The following MAPK10 variants were observed in gnomAD, a reference collection of about 807,000 sequenced individuals.
MAPK10 encodes mitogen-activated protein kinase 10.
In MAPK10, 25 loss-of-function variants were observed where a neutral mutation model predicts 59.3. That is an observed-to-expected ratio of 0.42 (90% CI 0.31 to 0.59). MAPK10 has a LOEUF of 0.59. Ranked by LOEUF, MAPK10 falls within the 20% of genes least tolerant of loss-of-function variation. The pLI, the probability that MAPK10 is intolerant of heterozygous loss-of-function variation, is 0.15. For missense variants in MAPK10, 351 were observed against 568.9 expected, an observed-to-expected ratio of 0.62 and a Z score of 3.90; for synonymous variants, 190 against 200.5, an observed-to-expected ratio of 0.95 and a Z score of 0.44.
At chr4:86,046,341 G>A (rs1168971028) in intron 11 of MAPK10, among the ~76,000 whole-genome samples, 6 of 151,624 alleles carry the variant, frequency 4.0e-5, no homozygotes, top group Non-Finnish European at 2.9e-5. Context: ...CCAATACTAT[G>A]TTGAATAGGA....
At chr4:86,107,021 T>G in intron 5 of MAPK10, 1 of 373,390 alleles carries the variant, frequency 2.7e-6, no homozygotes, top group Non-Finnish European at 4.8e-6. Flanking sequence ...CACTTCCACA[T>G]CATATGGTTT....
intron 1 of MAPK10, among the ~76,000 whole-genome samples, chr4:86,415,072 G>GA (rs1263697671): frequency 2.7e-5 from 4 of 149,832 alleles, no homozygotes; most frequent in Admixed American, 6.7e-5. Flanking sequence ...CCTGGAGGTC[G>GA]AGGCTGCAGT....
chr4:86,528,726 A>C (rs922912146), intron 1 of MAPK10, among the ~76,000 whole-genome samples: 2 of 152,096 alleles, frequency 1.3e-5, no homozygotes, highest in Non-Finnish European at 2.9e-5. Context: ...CAGTGGTTTT[A>C]TTTTTCCAGT....
chr4:86,132,685 C>A (rs1441137898), intron 4 of MAPK10, among the ~76,000 whole-genome samples: 1 of 152,134 alleles, frequency 6.6e-6, no homozygotes, highest in East Asian at 1.9e-4. Flanking sequence ...TGAGCTCTGT[C>A]CCCTGTGAAA....
At chr4:86,085,055 TA>T (rs891186618) in intron 9 of MAPK10, among the ~76,000 whole-genome samples, 13 of 152,096 alleles carry the variant, frequency 8.5e-5, no homozygotes, top group Non-Finnish European at 1.6e-4. Flanking sequence ...TGCAGAAGAA[TA>T]AAACTAGATC....
intron 1 of MAPK10, among the ~76,000 whole-genome samples, chr4:86,477,815 A>G (rs1753234566): frequency 1.3e-5 from 2 of 151,626 alleles, no homozygotes. Context: ...TCCACAACCC[A>G]TTATTCTGTT....
chr4:86,183,959 T>C (rs887932773), intron 3 of MAPK10, among the ~76,000 whole-genome samples: 1 of 152,224 alleles, frequency 6.6e-6, no homozygotes, highest in African/African-American at 2.4e-5. Flanking sequence ...TGTCTGTTCA[T>C]GTCCTTTGCC....
At chr4:86,107,433 A>G in intron 4 of MAPK10, 81 bp from the exon 5 acceptor site, 1 of 1,524,496 alleles carries the variant, frequency 6.6e-7, no homozygotes, top group Non-Finnish European at 8.8e-7. Flanking sequence ...GGATACTGGT[A>G]AAGAAAATGC....
At chr4:86,420,766 G>A (rs1322397348) in intron 1 of MAPK10, among the ~76,000 whole-genome samples, 1 of 152,016 alleles carries the variant, frequency 6.6e-6, no homozygotes, top group Non-Finnish European at 1.5e-5. Flanking sequence ...TCCAGTCTGG[G>A]TGACAAAGTG....
At chr4:86,150,526 C>G (rs2066144008) in intron 4 of MAPK10, among the ~76,000 whole-genome samples, 1 of 152,184 alleles carries the variant, frequency 6.6e-6, no homozygotes, top group African/African-American at 2.4e-5. Flanking sequence ...TCAATGGTTG[C>G]CTCCCCAGAG....
intron 1 of MAPK10, among the ~76,000 whole-genome samples, chr4:86,427,391 T>C (rs1370352044): frequency 6.6e-6 from 1 of 152,152 alleles, no homozygotes; most frequent in Non-Finnish European, 1.5e-5. Flanking sequence ...ACGAGTCTAG[T>C]GGCCTCCTAC....
At chr4:86,461,047 G>T (rs772848278) in intron 1 of MAPK10, among the ~76,000 whole-genome samples, 1 of 152,042 alleles carries the variant, frequency 6.6e-6, no homozygotes, top group Non-Finnish European at 1.5e-5. Context: ...ATGCCCATAC[G>T]TGGGGCTCAA....
rs1045279835 is a variant in MAPK10 at position 86,015,136 on chromosome 4, C to T, written c.*2092G>A. ...ATGGTAGCAAAATAGAGAAAATGGG[C>T]CATTTTTATTCCAGGGGACAAGCTG... On this transcript the variant is annotated 3_prime_UTR_variant, in exon 14 of 14. Transcript: ENST00000641462. 9 of 151,880 alleles carry T rather than the reference C, an allele frequency of 5.9e-5. No homozygotes were observed. Among genetic ancestry groups the T allele is most frequent in the African/African-American group, 2.2e-4 (9 of 41,288 alleles). 9.4% of individuals were successfully genotyped at this position (151,880 alleles called of 1,614,324 possible). A position where few individuals can be genotyped will look rare whatever the true frequency, so the allele number is the denominator to read the frequency against.
chr4:86,467,532 T>G (rs1398569688), intron 1 of MAPK10, among the ~76,000 whole-genome samples: 1 of 152,094 alleles, frequency 6.6e-6, no homozygotes, highest in Admixed American at 6.6e-5. Flanking sequence ...TTTGTTTGTT[T>G]GTTTTTGAGA....
intron 1 of MAPK10, among the ~76,000 whole-genome samples, chr4:86,484,767 G>A (rs1291758653): frequency 6.6e-6 from 1 of 152,056 alleles, no homozygotes; most frequent in African/African-American, 2.4e-5. Context: ...GAAACTTAAA[G>A]AAATTAAGTT....
chr4:86,103,377 CTT>C, intron 5 of MAPK10, 133 bp from the exon 6 acceptor site: 1 of 593,518 alleles, frequency 1.7e-6, no homozygotes, highest in Admixed American at 2.6e-5. Context: ...GGAAAAATGT[CTT>C]GAGCTGTCTC....
intron 5 of MAPK10, among the ~76,000 whole-genome samples, chr4:86,103,948 A>G (rs1467025927): frequency 1.3e-5 from 2 of 152,026 alleles, no homozygotes; most frequent in African/African-American, 2.4e-5. Context: ...TACATCAATA[A>G]CTCAAAATGT....
intron 11 of MAPK10, among the ~76,000 whole-genome samples, chr4:86,036,607 T>C (rs1217952851): frequency 6.6e-6 from 1 of 152,182 alleles, no homozygotes; most frequent in East Asian, 1.9e-4. Context: ...ATGATGAAAC[T>C]TTTATTAAAA....
At chr4:86,076,198 A>G (rs1026051979) in intron 9 of MAPK10, among the ~76,000 whole-genome samples, 9 of 151,944 alleles carry the variant, frequency 5.9e-5, no homozygotes, top group Middle Eastern at 6.8e-3. Flanking sequence ...CGGAAAGGGA[A>G]CTCCCTGACC....
Sources: allele counts gnomAD v4.1 joint callset (sites outside exome capture counted in the v4.1 genomes callset), GRCh38; gene constraint gnomAD v4.1.1; transcripts MANE v1.5; gene names NCBI Gene and HGNC (gene_info 2026-07-23, HGNC 2026-07-21).